Variants in CCDC121 observed in about 807,000 individuals in gnomAD.
CCDC121 encodes coiled-coil domain-containing protein 121.
For synonymous variants in CCDC121, 108 were observed against 120.0 expected, an observed-to-expected ratio of 0.90 and a Z score of 0.65; for missense variants, 238 against 304.1, an observed-to-expected ratio of 0.78 and a Z score of 1.62.
At chr2:27,627,985 C>T (rs1000844195) in intron 1 of CCDC121, 68 bp from the exon 2 acceptor site, 1 of 1,045,462 alleles carries the variant, frequency 9.6e-7, no homozygotes, top group African/African-American at 1.6e-5. Flanking sequence ...CACAACTGTC[C>T]TTCATTCATA....
rs772625334 is a variant in CCDC121 at position 27,627,720 on chromosome 2, C to G, written c.80G>C (p.Arg27Pro). ...QLLEESRELHREKLLVQAENR... is the reference protein window; with the variant it reads ...QLLEESRELHPEKLLVQAENR... Reference sequence around the variant, plus strand: ...TTCAGCCTGGACAAGTAACTTTTCTCGGTGTAGCTCCCTGGATTCCTCCAG... The same window carrying G: ...TTCAGCCTGGACAAGTAACTTTTCTGGGTGTAGCTCCCTGGATTCCTCCAG... Residue 27 changes from arginine to proline, a missense_variant, in exon 2 of 2, where the codon CGA (arginine) becomes CCA (proline). Transcript: ENST00000324364. 18 of 1,613,780 alleles carry G rather than the reference C, an allele frequency of 1.1e-5. No individual in the cohort carries two copies. The Middle Eastern group carries it at 4.9e-4, about 44-fold the overall frequency.
At chr2:27,628,650 A>G (rs1357349965) in intron 1 of CCDC121, 1 of 1,551,560 alleles carries the variant, frequency 6.4e-7, no homozygotes, top group Non-Finnish European at 8.7e-7. Context: ...CGGCTACCGA[A>G]TAAGCCCGAG....
At chr2:27,628,763 T>A in intron 1 of CCDC121, 187 bp downstream of exon 1, 1 of 1,542,030 alleles carries the variant, frequency 6.5e-7, no homozygotes, top group South Asian at 1.2e-5. Flanking sequence ...CGGGACCCCA[T>A]CTCTTCTGGC....
At position 27,626,862 on chromosome 2, in the gene CCDC121, T is replaced by C. The variant is rs1255286475; in HGVS notation, c.*101A>G. 4 of 841,470 alleles carry C rather than the reference T, an allele frequency of 4.8e-6. No homozygotes were observed. The South Asian group carries it at 7.2e-5, about 15-fold the overall frequency. The allele number at this position is 841,470 out of a possible 1,614,324, so 52.1% of individuals were successfully genotyped here. On this transcript the variant is annotated 3_prime_UTR_variant, in exon 2 of 2. Transcript: ENST00000324364. ...ACTCCAACACATCATGATGGAGATT[T>C]TACAATAGCAATCTGGAATCCAACA...
chr2:27,628,840 G>C (rs1673400248), intron 1 of CCDC121, 110 bp downstream of exon 1: 1 of 1,471,426 alleles, frequency 6.8e-7, no homozygotes, highest in African/African-American at 1.4e-5. Context: ...GCTCCCTTCA[G>C]CCTTCCTCTC....
At position 27,626,336 on chromosome 2, in the gene CCDC121, CCTT is replaced by C. The variant is rs1162578443; in HGVS notation, c.*624_*626del. On this transcript the variant is annotated 3_prime_UTR_variant, in exon 2 of 2. Coordinates refer to ENST00000324364, the MANE Select transcript of CCDC121 (RefSeq NM_024584.5). ...GTAAGAGCTGACCTAATATATGTCT[CCTT>C]CATCTTTTCTTACCTTCTCAAACTT... The C allele has an allele frequency of 6.6e-6, 1 of 152,360 alleles. No individual in the cohort carries two copies. Among genetic ancestry groups the C allele is most frequent in the Non-Finnish European group, 1.5e-5 (1 of 68,040 alleles). 9.4% of individuals were successfully genotyped at this position (152,360 alleles called of 1,614,324 possible).
chr2:27,628,049 G>A (rs1673351579), intron 1 of CCDC121, 132 bp from the exon 2 acceptor site: 3 of 695,270 alleles, frequency 4.3e-6, no homozygotes, highest in Non-Finnish European at 7.2e-6. Context: ...AAGGTGTGGG[G>A]AATCCAGCTA....
In CCDC121 at chr2:27,627,482, T is replaced by C. The variant is rs866845403; in HGVS notation, c.318A>G (p.Ala106=). The change falls in exon 2 of 2, where the codon GCA becomes GCG. Residue 106 remains alanine, a synonymous_variant. Transcript: ENST00000324364. The stretch of plus-strand genomic sequence containing the variant: ...CCTTTAATATAGCAATGTCCCTCAT[T>C]GCCTGCAACTTCCGCTTCAAACTGG... The part of the protein sequence containing the change: ...IQSSLKRKLQ[A]MRDIAILKEK... The C allele has an allele frequency of 8.7e-6, 14 of 1,614,204 alleles. No individual in the cohort carries two copies. The Middle Eastern group carries it at 6.6e-4, about 76-fold the overall frequency.
chr2:27,628,576 C>T, intron 1 of CCDC121: 2 of 1,551,554 alleles, frequency 1.3e-6, no homozygotes, highest in Non-Finnish European at 1.7e-6. Context: ...TGCTGCCCAG[C>T]AACCCTGGAG....
intron 1 of CCDC121, 140 bp downstream of exon 1, chr2:27,628,810 A>G: frequency 6.7e-7 from 1 of 1,489,354 alleles, no homozygotes. Flanking sequence ...CAGGCTGCAG[A>G]GATCAGCGCC....
chr2:27,627,283 G>A lies in CCDC121; in HGVS notation c.517C>T (p.Leu173Phe), dbSNP rs1431272090. Reference sequence around the variant, plus strand: ...TTCAAGGCCTGGGCCTTCATATTAAGCTCTCTTCTTTTTCTCTTTCCCAGT... The same window carrying A: ...TTCAAGGCCTGGGCCTTCATATTAAACTCTCTTCTTTTTCTCTTTCCCAGT... Reference protein sequence around the residue: ...RLLGKRKRRELNMKAQALKLA... With the variant: ...RLLGKRKRREFNMKAQALKLA... The change falls in exon 2 of 2, where the codon CTT becomes TTT. Residue 173 changes from leucine to phenylalanine, a missense_variant. Coordinates refer to ENST00000324364, the MANE Select transcript of CCDC121 (RefSeq NM_024584.5). The A allele has an allele frequency of 1.4e-5, 22 of 1,613,824 alleles. No individual in the cohort carries two copies. The highest frequency in any genetic ancestry group is 2.2e-5 in the East Asian group (1 of 44,886).
chr2:27,628,892 G>A, intron 1 of CCDC121, 58 bp downstream of exon 1: 2 of 1,470,052 alleles, frequency 1.4e-6, no homozygotes, highest in Non-Finnish European at 1.8e-6. Flanking sequence ...GTCACTAGTT[G>A]ACTCATCAGC....
chr2:27,627,969 T>A, intron 1 of CCDC121, 52 bp from the exon 2 acceptor site: 1 of 1,238,418 alleles, frequency 8.1e-7, no homozygotes, highest in Non-Finnish European at 1.2e-6. Flanking sequence ...CTTTAGGAAG[T>A]AAGTGCACAA....
At chr2:27,628,318 T>C in intron 1 of CCDC121, 3 of 1,366,416 alleles carry the variant, frequency 2.2e-6, no homozygotes, top group Non-Finnish European at 2.9e-6. Flanking sequence ...TCTAGGCTCT[T>C]TCATCATCTT....
intron 1 of CCDC121, chr2:27,628,262 A>G (rs1673365504): frequency 6.7e-6 from 6 of 889,568 alleles, no homozygotes; most frequent in Non-Finnish European, 8.3e-6. Context: ...TTGCAGCTAC[A>G]AAGGGTCACA....
chr2:27,629,003 A>C lies in CCDC121; in HGVS notation c.-172T>G. The C allele has an allele frequency of 6.2e-7, 1 of 1,609,300 alleles. No homozygotes were observed. The highest frequency in any genetic ancestry group is 8.5e-7 in the Non-Finnish European group (1 of 1,177,486). ...TCGTTCGCAGCCCAGAACATTGCGG[A>C]AGTTTCTCTACCCATGCGGTGTCTC... On this transcript the variant is annotated 5_prime_UTR_variant, in exon 1 of 2. Coordinates refer to ENST00000324364, the MANE Select transcript of CCDC121 (RefSeq NM_024584.5).
chr2:27,628,058 T>C, intron 1 of CCDC121, 141 bp from the exon 2 acceptor site: 2 of 679,450 alleles, frequency 2.9e-6, no homozygotes, highest in Non-Finnish European at 5.0e-6. Flanking sequence ...GGAATCCAGC[T>C]AGTGGTAAAG....
chr2:27,625,883 C>T lies in CCDC121; in HGVS notation c.*1080G>A, dbSNP rs1673267039. Reference sequence around the variant, plus strand: ...TCATCCTATTTTCCCATAGAGGACCCCTGTTAAAATATAAGATTATATTCC... The same window carrying T: ...TCATCCTATTTTCCCATAGAGGACCTCTGTTAAAATATAAGATTATATTCC... On this transcript the variant is annotated 3_prime_UTR_variant, in exon 2 of 2. Coordinates refer to ENST00000324364, the MANE Select transcript of CCDC121 (RefSeq NM_024584.5). 6.6e-6 allele frequency: 1 copy of T among 152,060 alleles called. No individual in the cohort carries two copies. Among genetic ancestry groups the T allele is most frequent in the African/African-American group, 2.4e-5 (1 of 41,360 alleles). 9.4% of individuals were successfully genotyped at this position (152,060 alleles called of 1,614,324 possible).
intron 1 of CCDC121, chr2:27,628,686 C>T: frequency 6.4e-7 from 1 of 1,551,698 alleles, no homozygotes; most frequent in South Asian, 1.2e-5. Flanking sequence ...TGGCTCCGCT[C>T]CCCGTTCTCT....
Sources: gnomAD v4.1 joint callset for allele counts on GRCh38, gnomAD v4.1.1 for gene constraint, MANE v1.5 for transcripts, NCBI Gene and HGNC (gene_info 2026-07-23, HGNC 2026-07-21) for gene names.